The following KCNH8 variants were observed in gnomAD, a reference collection of about 807,000 sequenced individuals.
KCNH8 encodes the protein voltage-gated delayed rectifier potassium channel KCNH8.
A neutral mutation model predicts 103.6 loss-of-function variants in KCNH8; 70 were observed. The observed-to-expected ratio is 0.68, with a 90% CI of 0.56 to 0.82. The LOEUF is 0.82. Ranked by LOEUF, KCNH8 falls within the 40% of genes least tolerant of loss-of-function variation. The pLI is 0.00. For synonymous variants in KCNH8, 498 were observed against 489.4 expected (o/e 1.02, Z -0.23); for missense variants, 1,217 against 1,329.9 (o/e 0.92, Z 1.32).
chr3:19,360,669 C>CTAG (rs1422834619), intron 5 of KCNH8, among the ~76,000 whole-genome samples: 1 of 151,956 alleles, frequency 6.6e-6, no homozygotes, highest in Non-Finnish European at 1.5e-5. Flanking sequence ...TCTACCTAGT[C>CTAG]ATCTTAAAAA....
At chr3:19,468,715 A>G (rs1021388676) in intron 11 of KCNH8, among the ~76,000 whole-genome samples, 48 of 152,322 alleles carry the variant, frequency 3.2e-4, no homozygotes, top group Non-Finnish European at 5.6e-4. Flanking sequence ...TCCATGAACT[A>G]TTGAGTTACG....
rs371442052 is a variant in KCNH8 at position 19,373,189 on chromosome 3, C to G, written c.812-17292C>G. On this transcript the variant is annotated intron_variant, in intron 5 of 15. Transcript: ENST00000328405. ...TGGAATAGTTTCAGAAGGAATGGTA[C>G]CAGCTCCTCCTTGTACCTCTGGTAG... is the stretch of plus-strand genomic sequence containing the variant. 6.6e-5 allele frequency among the ~76,000 whole-genome samples: 10 copies of G among 152,146 alleles called. No individual in the cohort carries two copies. The South Asian group carries it at 1.7e-3, about 25-fold the overall frequency.
At chr3:19,204,706 A>G (rs2063697383) in intron 1 of KCNH8, among the ~76,000 whole-genome samples, 1 of 152,112 alleles carries the variant, frequency 6.6e-6, no homozygotes, top group Non-Finnish European at 1.5e-5. Flanking sequence ...TATGATAGCC[A>G]TAATTGGAAT....
chr3:19,534,019 A>G lies in KCNH8; in HGVS notation c.3244A>G (p.Thr1082Ala). 6.2e-7 allele frequency: 1 copy of G among 1,614,182 alleles called. No homozygotes were observed. Among genetic ancestry groups the G allele is most frequent in the Non-Finnish European group, 8.5e-7 (1 of 1,180,004 alleles). The part of the protein sequence containing the change: ...WNQEGMASAS[T>A]KPLENLPLEV... ...CCAGGAAGGAATGGCATCAGCTTCT[A>G]CAAAACCTTTGGAGAACCTTCCACT... is the stretch of plus-strand genomic sequence containing the variant. The change falls in exon 16 of 16, where the codon ACA becomes GCA. Residue 1082 changes from threonine (T) to alanine (A), a missense_variant. Thr to Ala is a moderately conservative substitution (Grantham distance 58). This residue lies in a region of KCNH8 where 558 missense variants were observed against 495.8 expected (regional missense o/e 1.13). Transcript: ENST00000328405.
intron 11 of KCNH8, among the ~76,000 whole-genome samples, chr3:19,487,074 C>G (rs563035947): frequency 3.3e-5 from 5 of 152,264 alleles, no homozygotes; most frequent in Admixed American, 1.3e-4. Flanking sequence ...CAGCCTAGGT[C>G]TTTAGCAGGA....
At chr3:19,516,927 A>G (rs1007662544) in intron 14 of KCNH8, among the ~76,000 whole-genome samples, 3 of 152,116 alleles carry the variant, frequency 2.0e-5, no homozygotes, top group South Asian at 4.1e-4. Context: ...ATGGCTTTCT[A>G]TTGCCCTTAG....
At chr3:19,339,728 A>G (rs1223229769) in intron 3 of KCNH8, among the ~76,000 whole-genome samples, 1 of 152,098 alleles carries the variant, frequency 6.6e-6, no homozygotes. Context: ...TTTAAAAGTA[A>G]CATTCAGTTA....
intron 1 of KCNH8, among the ~76,000 whole-genome samples, chr3:19,208,189 T>G (rs59766102): frequency 0.041 from 6,208 of 152,090 alleles, 451 homozygotes; most frequent in African/African-American, 0.14. Context: ...CATGTACTCT[T>G]CTTGTCAATG....
At chr3:19,205,116 A>G (rs1056622678) in intron 1 of KCNH8, among the ~76,000 whole-genome samples, 7 of 151,918 alleles carry the variant, frequency 4.6e-5, no homozygotes, top group Non-Finnish European at 8.8e-5. Flanking sequence ...TGTTTGTTCA[A>G]CTACCCATCC....
chr3:19,495,007 G>C (rs1222539849), intron 11 of KCNH8, among the ~76,000 whole-genome samples: 4 of 152,132 alleles, frequency 2.6e-5, no homozygotes, highest in East Asian at 1.9e-4. Context: ...CTTCTGAAAA[G>C]TGGCTGTTCC....
At chr3:19,185,119 G>A in intron 1 of KCNH8, among the ~76,000 whole-genome samples, 1 of 151,938 alleles carries the variant, frequency 6.6e-6, no homozygotes. Context: ...GTAGAGAGAT[G>A]TATTTTTATT....
chr3:19,524,071 G>C (rs2069020158), intron 15 of KCNH8, among the ~76,000 whole-genome samples: 1 of 151,794 alleles, frequency 6.6e-6, no homozygotes. Context: ...GAAGAAACAG[G>C]ATACTACTAA....
At chr3:19,492,101 A>G (rs1309814450) in intron 11 of KCNH8, among the ~76,000 whole-genome samples, 1 of 152,080 alleles carries the variant, frequency 6.6e-6, no homozygotes, top group East Asian at 1.9e-4. Flanking sequence ...TAGTTCATAA[A>G]TATTTTATCC....
intron 3 of KCNH8, among the ~76,000 whole-genome samples, chr3:19,293,140 A>G (rs1208150141): frequency 6.6e-6 from 1 of 152,218 alleles, no homozygotes; most frequent in Non-Finnish European, 1.5e-5. Context: ...ACAATGTAGA[A>G]GAATGAGACT....
chr3:19,176,159 C>T (rs1207377524), intron 1 of KCNH8, among the ~76,000 whole-genome samples: 1 of 152,082 alleles, frequency 6.6e-6, no homozygotes, highest in Admixed American at 6.5e-5. Flanking sequence ...TATTTTACTT[C>T]AGTTTTTCTC....
intron 7 of KCNH8, among the ~76,000 whole-genome samples, chr3:19,414,409 T>C (rs1277170687): frequency 2.0e-5 from 3 of 151,484 alleles, no homozygotes; most frequent in African/African-American, 4.8e-5. Context: ...TGGAAAAACA[T>C]TGAAAAAAAG....
At chr3:19,523,350 T>C (rs2069006195) in intron 15 of KCNH8, among the ~76,000 whole-genome samples, 1 of 152,008 alleles carries the variant, frequency 6.6e-6, no homozygotes, top group African/African-American at 2.4e-5. Flanking sequence ...TCAAATTTAA[T>C]TTTGTAATAT....
intron 11 of KCNH8, among the ~76,000 whole-genome samples, chr3:19,492,372 T>TA (rs1288373791): frequency 6.6e-6 from 1 of 152,194 alleles, no homozygotes; most frequent in Non-Finnish European, 1.5e-5. Flanking sequence ...GATAGGAGTC[T>TA]AGTTTCATTC....
rs2067443863 is a variant in KCNH8, at chr3:19,451,288, C to G, written c.1709C>G (p.Ser570Cys). ...LRSLSLHIKT[S>C]FCAPGEYLLR... is the part of the protein sequence containing the mutation. ...TCTCTGTCTCTACACATCAAAACCT[C>G]TTTCTGTGCTCCGGGGGAGTATCTG... is the stretch of plus-strand genomic sequence containing the variant. The change falls in exon 10 of 16, where the codon TCT becomes TGT. Residue 570 changes from serine to cysteine, a missense_variant. Transcript: ENST00000328405. 1.2e-6 allele frequency: 2 copies of G among 1,613,968 alleles called. No homozygotes were observed. Among genetic ancestry groups the G allele is most frequent in the African/African-American group, 1.3e-5 (1 of 75,034 alleles).
Sources: allele counts gnomAD v4.1 joint callset (sites outside exome capture counted in the v4.1 genomes callset), GRCh38; gene constraint gnomAD v4.1.1; regional missense constraint gnomAD v4.1.1; transcripts MANE v1.5; gene names NCBI Gene and HGNC (gene_info 2026-07-23, HGNC 2026-07-21).